Variants in CEACAM1 observed in about 807,000 individuals in gnomAD.
The protein encoded by CEACAM1 is cell adhesion molecule CEACAM1.
A neutral mutation model predicts 49.1 loss-of-function variants in CEACAM1; 31 were observed. The observed-to-expected ratio is 0.63, with a 90% CI of 0.47 to 0.85. CEACAM1 has a LOEUF of 0.85. CEACAM1 is among the 40% of genes least tolerant of loss of function. The pLI is 0.00. For missense variants in CEACAM1, 570 were observed against 645.3 expected (o/e 0.88, Z 1.26); for synonymous variants, 244 against 247.8 (o/e 0.98, Z 0.14).
At chr19:42,524,914 T>C (rs571228138) in intron 2 of CEACAM1, among the ~76,000 whole-genome samples, 2 of 152,102 alleles carry the variant, frequency 1.3e-5, no homozygotes, top group Admixed American at 1.3e-4. Context: ...TAGGGGTAGA[T>C]GGTCAGGGGA....
Position 42,519,244 on chromosome 19 carries a change from A to G in CEACAM1, c.959-9T>C. ...TACTACTGGACTTAGCTCTGTGGAC[A>G]AGCAGAGTATCTGAGATAACCTACT... On this transcript the variant is annotated splice_polypyrimidine_tract_variant and intron_variant, in intron 4 of 8. Coordinates refer to ENST00000161559, the MANE Select transcript of CEACAM1 (RefSeq NM_001712.5). The G allele has an allele frequency of 3.1e-6, 5 of 1,613,670 alleles. No individual in the cohort carries two copies. Among genetic ancestry groups the G allele is most frequent in the Non-Finnish European group, 3.4e-6 (4 of 1,179,908 alleles).
chr19:42,521,115 C>T, intron 4 of CEACAM1, 152 bp downstream of exon 4: 1 of 818,278 alleles, frequency 1.2e-6, no homozygotes, highest in South Asian at 1.7e-5. Flanking sequence ...AGAGAGTCTG[C>T]ACAGATGAAT....
intron 5 of CEACAM1, among the ~76,000 whole-genome samples, chr19:42,512,683 CTT>C (rs753850463): frequency 7.2e-6 from 1 of 138,442 alleles, no homozygotes. Flanking sequence ...TTTTTCTTTT[CTT>C]TTTTTTTTTT....
chr19:42,514,314 A>G (rs2041545161), intron 5 of CEACAM1, among the ~76,000 whole-genome samples: 2 of 152,030 alleles, frequency 1.3e-5, no homozygotes, highest in Non-Finnish European at 2.9e-5. Context: ...TATTTTTAGT[A>G]GAGACGGGGT....
Position 42,509,246 on chromosome 19 carries a change from TGATCAGTTAA to T in CEACAM1, c.1462-28_1462-19del. 6.3e-7 allele frequency: 1 copy of T among 1,595,408 alleles called. No homozygotes were observed. The highest frequency in any genetic ancestry group is 1.3e-5 in the African/African-American group (1 of 74,670). On this transcript the variant is annotated intron_variant, in intron 8 of 8. Coordinates refer to ENST00000161559, the MANE Select transcript of CEACAM1 (RefSeq NM_001712.5). Reference sequence around the variant, plus strand: ...TCATTCATCTGAAAAGCACAAATAATGATCAGTTAAGTCAGTGACACAGGGCAGGGCCTCA... The same window carrying T: ...TCATTCATCTGAAAAGCACAAATAATGTCAGTGACACAGGGCAGGGCCTCA...
intron 6 of CEACAM1, 62 bp from the exon 7 acceptor site, chr19:42,511,690 T>G: frequency 6.6e-7 from 1 of 1,513,602 alleles, no homozygotes; most frequent in Non-Finnish European, 9.2e-7. Flanking sequence ...TTCCGTAAGT[T>G]AGGAAGGACA....
At chr19:42,513,792 C>T (rs1362399444) in intron 5 of CEACAM1, among the ~76,000 whole-genome samples, 1 of 146,448 alleles carries the variant, frequency 6.8e-6, no homozygotes, top group Non-Finnish European at 1.5e-5. Flanking sequence ...TGGAAACTAA[C>T]ATACCAGGCT....
At chr19:42,518,864 C>G in intron 5 of CEACAM1, 84 bp downstream of exon 5, 1 of 1,440,904 alleles carries the variant, frequency 6.9e-7, no homozygotes, top group South Asian at 1.2e-5. Flanking sequence ...TGATATTCTG[C>G]CTCCTGTGAG....
intron 7 of CEACAM1, 122 bp downstream of exon 7, chr19:42,511,454 T>C (rs1311559130): frequency 3.6e-5 from 31 of 852,222 alleles, no homozygotes; most frequent in Admixed American, 1.9e-5. Context: ...GGTTGGGAAA[T>C]AGAGATCCTT....
intron 7 of CEACAM1, 148 bp from the exon 8 acceptor site, chr19:42,511,068 A>G: frequency 1.4e-6 from 1 of 711,366 alleles, no homozygotes; most frequent in Non-Finnish European, 2.5e-6. Flanking sequence ...GTCCAGACCC[A>G]GCATGTTAGT....
At chr19:42,527,477 G>A in intron 1 of CEACAM1, 77 bp from the exon 2 acceptor site, 1 of 1,523,422 alleles carries the variant, frequency 6.6e-7, no homozygotes, top group Non-Finnish European at 8.8e-7. Flanking sequence ...TGGGTCCTGA[G>A]CAGGTGTCTT....
intron 5 of CEACAM1, among the ~76,000 whole-genome samples, chr19:42,515,640 C>T (rs1053182712): frequency 6.6e-6 from 1 of 151,346 alleles, no homozygotes. Context: ...GCCTCGGTGA[C>T]AGAGTGAGAA....
Position 42,525,348 on chromosome 19 carries a change from C to A in CEACAM1, c.424+1693G>T, listed in dbSNP as rs558621373. Among the ~76,000 whole-genome samples the A allele has an allele frequency of 4.6e-5, 7 of 151,926 alleles. No individual in the cohort carries two copies. The South Asian group carries it at 1.3e-3, about 27-fold the overall frequency. On this transcript the variant is annotated intron_variant, in intron 2 of 8. Coordinates refer to ENST00000161559, the MANE Select transcript of CEACAM1 (RefSeq NM_001712.5). Reference sequence around the variant, plus strand: ...CAAGCGATTCTACCACCTCAGCATCCCAAGTAGCTGGGATTAGAGGCACGC... The same window carrying A: ...CAAGCGATTCTACCACCTCAGCATCACAAGTAGCTGGGATTAGAGGCACGC...
chr19:42,523,125 C>G (rs1600237576), intron 2 of CEACAM1, among the ~76,000 whole-genome samples: 1 of 152,312 alleles, frequency 6.6e-6, no homozygotes, highest in Non-Finnish European at 1.5e-5. Context: ...TCACCTGGAA[C>G]ATACAGGTGC....
Position 42,510,880 on chromosome 19 carries a change from T to A in CEACAM1, c.1461+9A>T, listed in dbSNP as rs2041440680. ...AGAAAATAAGCCCATGAAAACCGGC[T>A]ATGCTTACCTTGTTAGGTGGGTCAT... On this transcript the variant is annotated intron_variant, in intron 8 of 8. Transcript: ENST00000161559. 1 of 1,611,988 alleles carries A rather than the reference T, an allele frequency of 6.2e-7. No homozygotes were observed. Among genetic ancestry groups the A allele is most frequent in the Non-Finnish European group, 8.5e-7 (1 of 1,178,004 alleles).
rs773292809 is a variant in CEACAM1 at position 42,518,437 on chromosome 19, A to G, written c.1246+511T>C. ...TCAAAACAACAAAACAAACAAAAAA[A>G]CCCAACCAACCAAAAAAAACCAACT... On this transcript the variant is annotated intron_variant, in intron 5 of 8. Coordinates refer to ENST00000161559, the MANE Select transcript of CEACAM1 (RefSeq NM_001712.5). 6.5e-4 allele frequency: 103 copies of G among 158,862 alleles called. No individual in the cohort carries two copies. In the Middle Eastern group the frequency reaches 9.9e-3, roughly 15 times the overall value. 9.8% of individuals were successfully genotyped at this position (158,862 alleles called of 1,614,324 possible).
chr19:42,511,299 A>G lies in CEACAM1; in HGVS notation c.1429+277T>C, dbSNP rs1359948553. The stretch of plus-strand genomic sequence containing the variant: ...CATCCGTAATAGAGGCAGGAGGCGG[A>G]AGGAGTAAGGCTGAGGAAATGGCTC... On this transcript the variant is annotated intron_variant, in intron 7 of 8. Coordinates refer to ENST00000161559, the MANE Select transcript of CEACAM1 (RefSeq NM_001712.5). 7 of 573,802 alleles carry G rather than the reference A, an allele frequency of 1.2e-5. No individual in the cohort carries two copies. The East Asian group carries it at 2.0e-4, about 16-fold the overall frequency. The allele number at this position is 573,802 out of a possible 1,614,324, so 35.5% of individuals were successfully genotyped here.
At position 42,519,133 on chromosome 19, in the gene CEACAM1, C is replaced by A. The variant is rs200148948; in HGVS notation, c.1061G>T (p.Gly354Val). Residue 354 changes from glycine (G) to valine (V), a missense_variant, in exon 5 of 9, where the codon GGA becomes GTA. Coordinates refer to ENST00000161559, the MANE Select transcript of CEACAM1 (RefSeq NM_001712.5). The part of the protein sequence containing the change: ...VNLTCSTNDT[G>V]ISIRWFFKNQ... ...TTTGAAGAACCAACGGATGGAGATT[C>A]CAGTGTCATTTGTGGAGCAGGTCAG... 2 of 1,614,002 alleles carry A rather than the reference C, an allele frequency of 1.2e-6. No individual in the cohort carries two copies. The highest frequency in any genetic ancestry group is 2.7e-5 in the African/African-American group (2 of 74,896).
At chr19:42,527,825 C>T (rs1431088328) in intron 1 of CEACAM1, 4 of 197,972 alleles carry the variant, frequency 2.0e-5, no homozygotes, top group Non-Finnish European at 3.1e-5. Flanking sequence ...CTGTCTTCCC[C>T]ACCCATGAGA....
Sources: allele counts gnomAD v4.1 joint callset (sites outside exome capture counted in the v4.1 genomes callset), GRCh38; gene constraint gnomAD v4.1.1; transcripts MANE v1.5; gene names NCBI Gene and HGNC (gene_info 2026-07-23, HGNC 2026-07-21).